Variants in SPSB1 observed in about 807,000 individuals in gnomAD.
The protein encoded by SPSB1 is SPRY domain-containing SOCS box protein 1.
In SPSB1, 8 loss-of-function variants were observed where a neutral mutation model predicts 21.2. The ratio of observed to expected loss-of-function variants is 0.38; its 90% CI spans 0.22 to 0.68. The LOEUF is 0.68. SPSB1 is among the 30% of genes least tolerant of loss of function. SPSB1 has a pLI of 0.53. For synonymous variants in SPSB1, 169 were observed against 161.7 expected (o/e 1.05, Z -0.34); for missense variants, 242 against 377.8 (o/e 0.64, Z 2.98).
At chr1:9,341,806 G>A (rs561766120) in intron 1 of SPSB1, among the ~76,000 whole-genome samples, 14 of 152,286 alleles carry the variant, frequency 9.2e-5, no homozygotes, top group Admixed American at 3.3e-4. Flanking sequence ...GGGTTCAAGC[G>A]ATTCTCCTGC....
chr1:9,296,404 CT>C, intron 1 of SPSB1, among the ~76,000 whole-genome samples: 1 of 152,320 alleles, frequency 6.6e-6, no homozygotes, highest in South Asian at 2.1e-4. Flanking sequence ...CCACCTGAGC[CT>C]TTTCTTCAAG....
intron 2 of SPSB1, among the ~76,000 whole-genome samples, chr1:9,366,509 T>TG (rs1302693560): frequency 6.6e-6 from 1 of 151,600 alleles, no homozygotes; most frequent in Non-Finnish European, 1.5e-5. Flanking sequence ...CCAGGCTGCC[T>TG]GGATTCAGAT....
At chr1:9,310,509 A>G (rs1015442246) in intron 1 of SPSB1, among the ~76,000 whole-genome samples, 1 of 152,150 alleles carries the variant, frequency 6.6e-6, no homozygotes, top group Non-Finnish European at 1.5e-5. Context: ...CCTGGGCAAC[A>G]TGGTGAAACC....
At chr1:9,320,306 C>T (rs568458959) in intron 1 of SPSB1, among the ~76,000 whole-genome samples, 4 of 152,290 alleles carry the variant, frequency 2.6e-5, no homozygotes, top group African/African-American at 4.8e-5. Context: ...CCTCTTGGGC[C>T]GGGACTGTCC....
chr1:9,330,794 C>T (rs192661919), intron 1 of SPSB1, among the ~76,000 whole-genome samples: 266 of 152,118 alleles, frequency 1.7e-3, no homozygotes, highest in African/African-American at 6.1e-3. Context: ...GCGTTGAGTA[C>T]ATTACCGGAT....
In SPSB1 at chr1:9,324,332, G is replaced by A. The variant is rs974156562; in HGVS notation, c.-150+31261G>A. ...TGTCCCGATTAGCTGTTGGTGGTGTGCCATCTGCGGCTCTGCTCTGGTGAG... is the reference window on the plus strand; with the variant it reads ...TGTCCCGATTAGCTGTTGGTGGTGTACCATCTGCGGCTCTGCTCTGGTGAG... On this transcript the variant is annotated intron_variant, in intron 1 of 2. Transcript: ENST00000328089. This position sits in a 1 kb window ranked among gnomAD's most constrained non-coding sequence, Gnocchi z 4.3. Among the ~76,000 whole-genome samples, 2 of 152,190 alleles carry A rather than the reference G, an allele frequency of 1.3e-5. No individual in the cohort carries two copies. The highest frequency in any genetic ancestry group is 2.9e-5 in the Non-Finnish European group (2 of 68,036).
chr1:9,349,521 G>A (rs1384321605), intron 1 of SPSB1, among the ~76,000 whole-genome samples: 1 of 152,262 alleles, frequency 6.6e-6, no homozygotes, highest in Non-Finnish European at 1.5e-5. Context: ...GTAGATGCGT[G>A]TCAGATTTGA....
At chr1:9,343,567 A>G (rs1640124270) in intron 1 of SPSB1, among the ~76,000 whole-genome samples, 1 of 152,220 alleles carries the variant, frequency 6.6e-6, no homozygotes, top group Non-Finnish European at 1.5e-5. Context: ...GACAACAGTA[A>G]AGAAGTTTAA....
chr1:9,309,568 C>T (rs1282099077), intron 1 of SPSB1, among the ~76,000 whole-genome samples: 1 of 152,178 alleles, frequency 6.6e-6, no homozygotes, highest in Non-Finnish European at 1.5e-5. Flanking sequence ...TCAGGCCAGG[C>T]ACAGTGGCTC....
chr1:9,352,535 C>T (rs1347227332), intron 1 of SPSB1, among the ~76,000 whole-genome samples: 1 of 152,196 alleles, frequency 6.6e-6, no homozygotes. Context: ...GCCCTCAAAG[C>T]CAGGCATTTA....
chr1:9,302,279 A>G (rs978969370), intron 1 of SPSB1, among the ~76,000 whole-genome samples: 2 of 152,244 alleles, frequency 1.3e-5, no homozygotes, highest in Admixed American at 6.5e-5. Context: ...ATACCCAGGT[A>G]GATGGTAAAG....
At chr1:9,355,716 C>G (rs1212249031) in intron 1 of SPSB1, 27 bp from the exon 2 acceptor site, 1 of 1,346,614 alleles carries the variant, frequency 7.4e-7, no homozygotes. Context: ...GTCCTGCTCA[C>G]CGGTTGTTTG....
At position 9,348,234 on chromosome 1, in the gene SPSB1, C is replaced by T. The variant is rs938297833; in HGVS notation, c.-149-7509C>T. 4.6e-5 allele frequency among the ~76,000 whole-genome samples: 7 copies of T among 151,950 alleles called. No homozygotes were observed. Among genetic ancestry groups the T allele is most frequent in the Non-Finnish European group, 7.4e-5 (5 of 67,994 alleles). On this transcript the variant is annotated intron_variant, in intron 1 of 2. Coordinates refer to ENST00000328089, the MANE Select transcript of SPSB1 (RefSeq NM_025106.4). The surrounding 1 kb of genome is among the most constrained non-coding windows in gnomAD (Gnocchi z 4.8). ...TGCTGGGATTACAGGCGTGAGCCAC[C>T]GCGGCAACTTTTTTTAACCCTGGGC...
At chr1:9,352,911 C>T (rs1018632493) in intron 1 of SPSB1, among the ~76,000 whole-genome samples, 21 of 148,992 alleles carry the variant, frequency 1.4e-4, no homozygotes, top group South Asian at 6.6e-4. Flanking sequence ...CCATGACAGA[C>T]GAGATCCCGG....
intron 2 of SPSB1, among the ~76,000 whole-genome samples, chr1:9,365,227 A>T (rs1296671933): frequency 6.6e-6 from 1 of 152,114 alleles, no homozygotes; most frequent in East Asian, 1.9e-4. Flanking sequence ...AGCTTACTGC[A>T]GCCTTGACCT....
chr1:9,311,336 A>G (rs1354627774), intron 1 of SPSB1, among the ~76,000 whole-genome samples: 1 of 151,848 alleles, frequency 6.6e-6, no homozygotes, highest in Non-Finnish European at 1.5e-5. Flanking sequence ...CTTCCCCCTG[A>G]TGGGTCTCGG....
chr1:9,330,687 G>C (rs1254692426), intron 1 of SPSB1, among the ~76,000 whole-genome samples: 1 of 128,864 alleles, frequency 7.8e-6, no homozygotes, highest in Non-Finnish European at 1.6e-5. Context: ...TGTTAGACTG[G>C]AGCATGTTCT....
chr1:9,338,519 C>T (rs1640039926), intron 1 of SPSB1, among the ~76,000 whole-genome samples: 1 of 152,268 alleles, frequency 6.6e-6, no homozygotes, highest in African/African-American at 2.4e-5. Flanking sequence ...CCTGGCCACT[C>T]TCTTGCCAGC....
intron 1 of SPSB1, among the ~76,000 whole-genome samples, chr1:9,298,422 GTGAACGAA>G (rs1288842914): frequency 7.6e-5 from 7 of 91,794 alleles, no homozygotes; most frequent in African/African-American, 3.1e-4. Flanking sequence ...GAATGAATAA[GTGAACGAA>G]TGAATGAATA....
Sources: gnomAD v4.1 joint callset for allele counts (sites outside exome capture counted in the v4.1 genomes callset) on GRCh38, gnomAD v4.1.1 for gene constraint, Gnocchi (gnomAD v3.1) non-coding constraint, MANE v1.5 for transcripts, NCBI Gene and HGNC (gene_info 2026-07-23, HGNC 2026-07-21) for gene names.